The following VIRMA variants were observed in gnomAD, a reference collection of about 807,000 sequenced individuals.
The protein encoded by VIRMA is protein virilizer homolog.
In VIRMA, 65 loss-of-function variants were observed where a neutral mutation model predicts 182.4. The observed-to-expected ratio is 0.36, with a 90% CI of 0.29 to 0.44. The LOEUF is 0.44. Ranked by LOEUF, VIRMA falls within the 20% of genes least tolerant of loss-of-function variation. The pLI is 1.00. For synonymous variants in VIRMA, 709 were observed against 743.1 expected, an observed-to-expected ratio of 0.95 and a Z score of 0.75; for missense variants, 1,752 against 2,158.1, an observed-to-expected ratio of 0.81 and a Z score of 3.73.
intron 10 of VIRMA, among the ~76,000 whole-genome samples, chr8:94,515,316 C>G (rs1409922691): frequency 6.6e-6 from 1 of 151,876 alleles, no homozygotes; most frequent in African/African-American, 2.4e-5. Context: ...AGGCTGGTCT[C>G]GAACTTCTGA....
intron 1 of VIRMA, chr8:94,547,115 A>T (rs966055779): frequency 2.4e-6 from 1 of 424,910 alleles, no homozygotes; most frequent in Admixed American, 2.7e-5. Flanking sequence ...GCTGAATTGT[A>T]ATTGCCTCTT....
At position 94,543,401 on chromosome 8, in the gene VIRMA, CAAAAAAAAAA is replaced by C. The variant is rs1162030319; in HGVS notation, c.179+416_179+425del. Among the ~76,000 whole-genome samples the C allele has an allele frequency of 5.3e-3, 228 of 43,210 alleles. 3 individuals carry two copies. Among genetic ancestry groups the C allele is most frequent in the Middle Eastern group, 0.017 (1 of 58 alleles). The allele number at this position is 43,210 out of a possible 152,430, so 28.3% of individuals were successfully genotyped here. On this transcript the variant is annotated intron_variant, in intron 2 of 23. Transcript: ENST00000297591. The stretch of plus-strand genomic sequence containing the variant: ...GGACAACAGGAGCAAAACTCCATCT[CAAAAAAAAAA>C]AAAAAAAAAAAAAGGAGTAATAATA...
chr8:94,510,033 C>T (rs1198847906), intron 14 of VIRMA, 93 bp from the exon 15 acceptor site: 4 of 1,143,736 alleles, frequency 3.5e-6, no homozygotes, highest in South Asian at 3.5e-5. Flanking sequence ...TCAACTTACA[C>T]AAATTTTGCA....
At position 94,511,653 on chromosome 8, in the gene VIRMA, T is replaced by A; in HGVS notation, c.2922A>T (p.Arg974=). 3 of 1,614,088 alleles carry A rather than the reference T, an allele frequency of 1.9e-6. No individual in the cohort carries two copies. Among genetic ancestry groups the A allele is most frequent in the Middle Eastern group, 3.3e-4 (2 of 6,062 alleles). ...FSAEGMDTFI[R]VLQKLNSILT... ...GAATACTGTTCAATTTTTGCAGAAC[T>A]CGAATAAACGTGTCCATTCCTTCAG... Residue 974 remains arginine, a synonymous_variant, in exon 13 of 24, where the codon CGA becomes CGT. Coordinates refer to ENST00000297591, the MANE Select transcript of VIRMA (RefSeq NM_015496.5).
intron 11 of VIRMA, among the ~76,000 whole-genome samples, chr8:94,512,820 T>G (rs928683047): frequency 6.6e-6 from 1 of 152,042 alleles, no homozygotes; most frequent in African/African-American, 2.4e-5. Context: ...TAAACTTCAT[T>G]CAAAAGTGAG....
At chr8:94,519,581 T>C (rs1586088260) in intron 8 of VIRMA, 105 bp from the exon 9 acceptor site, 1 of 1,170,200 alleles carries the variant, frequency 8.5e-7, no homozygotes, top group Non-Finnish European at 1.2e-6. Context: ...CCATAATCCT[T>C]ATCCTCAGTA....
intron 2 of VIRMA, among the ~76,000 whole-genome samples, chr8:94,540,959 A>G (rs1357667827): frequency 6.6e-6 from 1 of 152,140 alleles, no homozygotes; most frequent in African/African-American, 2.4e-5. Flanking sequence ...TAAAAAACCT[A>G]ACCTCACATA....
In VIRMA at chr8:94,543,853, G is replaced by C; in HGVS notation, c.153C>G (p.Ser51Arg). The change falls in exon 2 of 24, where the codon AGC becomes AGG. Residue 51 changes from serine (S) to arginine (R), a missense_variant. This residue lies in a region of VIRMA where 195 missense variants were observed against 191.7 expected (regional missense o/e 1.02). Transcript: ENST00000297591. ...RVIPPGVRAH[S>R]SLPDNRAYGE... ...CATATGCTCTATTGTCTGGCAGACT[G>C]CTATGGGCTCTTACTCCTGGGGGTA... 6.2e-7 allele frequency: 1 copy of C among 1,608,786 alleles called. No homozygotes were observed. Among genetic ancestry groups the C allele is most frequent in the East Asian group, 2.2e-5 (1 of 44,782 alleles).
At chr8:94,499,602 T>C in intron 16 of VIRMA, 96 bp from the exon 17 acceptor site, 1 of 829,406 alleles carries the variant, frequency 1.2e-6, no homozygotes, top group African/African-American at 1.7e-5. Context: ...GAATAAAACT[T>C]ACTCCATCAT....
chr8:94,495,569 A>C (rs1026761342), intron 19 of VIRMA, among the ~76,000 whole-genome samples, 162 bp downstream of exon 19: 13 of 151,870 alleles, frequency 8.6e-5, no homozygotes, highest in Non-Finnish European at 1.9e-4. Context: ...AAAAAAAAAA[A>C]AAAAAACTAA....
At chr8:94,509,264 G>GGTGGT (rs1814268841) in intron 15 of VIRMA, among the ~76,000 whole-genome samples, 1 of 152,024 alleles carries the variant, frequency 6.6e-6, no homozygotes, top group Admixed American at 6.6e-5. Context: ...AGCCAGGTGT[G>GGTGGT]GTGGTGTGTG....
intron 11 of VIRMA, among the ~76,000 whole-genome samples, chr8:94,512,647 C>T (rs1042637535): frequency 6.6e-6 from 1 of 152,102 alleles, no homozygotes; most frequent in Non-Finnish European, 1.5e-5. Flanking sequence ...CATGACGGTG[C>T]GTGCCTATAG....
At chr8:94,520,747 G>C (rs904625556) in intron 8 of VIRMA, among the ~76,000 whole-genome samples, 1 of 152,162 alleles carries the variant, frequency 6.6e-6, no homozygotes, top group Non-Finnish European at 1.5e-5. Flanking sequence ...TCCAAGGGAG[G>C]TCTGAGAACC....
intron 1 of VIRMA, among the ~76,000 whole-genome samples, chr8:94,550,723 T>C (rs1586120419): frequency 6.7e-6 from 1 of 150,230 alleles, no homozygotes; most frequent in Non-Finnish European, 1.5e-5. Flanking sequence ...TATTTATGTA[T>C]TTATTTATTT....
chr8:94,539,223 T>A (rs1047894675), intron 2 of VIRMA, among the ~76,000 whole-genome samples: 2 of 152,160 alleles, frequency 1.3e-5, no homozygotes, highest in African/African-American at 4.8e-5. Context: ...AATCAGGGAT[T>A]AGCTAACTTC....
intron 2 of VIRMA, among the ~76,000 whole-genome samples, chr8:94,539,408 T>C (rs979483274): frequency 2.0e-5 from 3 of 152,224 alleles, no homozygotes; most frequent in African/African-American, 7.2e-5. Context: ...TCAGAGCCTA[T>C]TTAATTTGCA....
chr8:94,501,266 A>C (rs1244685028), intron 16 of VIRMA, among the ~76,000 whole-genome samples: 1 of 151,268 alleles, frequency 6.6e-6, no homozygotes, highest in Non-Finnish European at 1.5e-5. Flanking sequence ...AAAAAAAAAA[A>C]AAAAAAAAAA....
chr8:94,511,123 C>A, intron 13 of VIRMA, 62 bp downstream of exon 13: 1 of 1,553,036 alleles, frequency 6.4e-7, no homozygotes, highest in Non-Finnish European at 8.7e-7. Flanking sequence ...AACAAAATCA[C>A]TGGCTTTTTA....
chr8:94,511,050 T>A, intron 13 of VIRMA, 135 bp downstream of exon 13: 1 of 1,430,548 alleles, frequency 7.0e-7, no homozygotes, highest in South Asian at 1.6e-5. Flanking sequence ...CAGTTTTATC[T>A]CCCCCTCATC....
Sources: allele counts gnomAD v4.1 joint callset (sites outside exome capture counted in the v4.1 genomes callset), GRCh38; gene constraint gnomAD v4.1.1; regional missense constraint gnomAD v4.1.1; transcripts MANE v1.5; gene names NCBI Gene and HGNC (gene_info 2026-07-23, HGNC 2026-07-21).